Variants in SINHCAF observed in about 807,000 individuals in gnomAD.
The protein encoded by SINHCAF is SIN3-HDAC complex-associated factor.
In SINHCAF, 3 loss-of-function variants were observed where a neutral mutation model predicts 25.8. The ratio of observed to expected loss-of-function variants is 0.12; its 90% CI spans 0.05 to 0.30. SINHCAF has a LOEUF of 0.30. Ranked by LOEUF, SINHCAF falls within the 10% of genes least tolerant of loss-of-function variation. The pLI, the probability that SINHCAF is intolerant of heterozygous loss-of-function variation, is 1.00. For synonymous variants in SINHCAF, 70 were observed against 85.5 expected, an observed-to-expected ratio of 0.82 and a Z score of 1.00; for missense variants, 121 against 262.3, an observed-to-expected ratio of 0.46 and a Z score of 3.72.
chr12:31,303,200 G>C (rs1565497239), intron 1 of SINHCAF: 4 of 985,274 alleles, frequency 4.1e-6, no homozygotes, highest in East Asian at 1.1e-4. Flanking sequence ...ATTTAGAAGA[G>C]GCTGTGTCAA....
intron 1 of SINHCAF, among the ~76,000 whole-genome samples, chr12:31,316,095 G>A (rs148850202): frequency 1.3e-3 from 203 of 152,130 alleles, no homozygotes; most frequent in African/African-American, 4.5e-3. Flanking sequence ...GCTTGAACCC[G>A]GGAGGCAGAG....
chr12:31,324,807 A>C lies in SINHCAF; in HGVS notation c.-21+1217T>G, dbSNP rs1224973219. ...CTGGCCCCCCGACCCTCCCCTCGGG[A>C]GCAGGCCCATTTAATCAAAGTTTTG... On this transcript the variant is annotated intron_variant, in intron 1 of 5. Coordinates refer to ENST00000337682, the MANE Select transcript of SINHCAF (RefSeq NM_001135812.2). This position sits in a 1 kb window ranked among gnomAD's most constrained non-coding sequence, Gnocchi z 5.5. 2.7e-6 allele frequency: 1 copy of C among 368,812 alleles called. No homozygotes were observed. Among genetic ancestry groups the C allele is most frequent in the Non-Finnish European group, 5.5e-6 (1 of 183,196 alleles). The allele number at this position is 368,812 out of a possible 1,614,324, so 22.8% of individuals were successfully genotyped here.
At chr12:31,323,631 C>T (rs956019478) in intron 1 of SINHCAF, among the ~76,000 whole-genome samples, 1 of 152,098 alleles carries the variant, frequency 6.6e-6, no homozygotes, top group Non-Finnish European at 1.5e-5. Flanking sequence ...CAAACTGCAC[C>T]GCCCTACCAC....
At chr12:31,316,765 AG>A (rs1368279387) in intron 1 of SINHCAF, among the ~76,000 whole-genome samples, 8 of 152,374 alleles carry the variant, frequency 5.3e-5, no homozygotes, top group Admixed American at 3.3e-4. Context: ...AGCTCCAACC[AG>A]GAAACAGAAT....
At chr12:31,297,543 G>A (rs1002832336) in intron 2 of SINHCAF, among the ~76,000 whole-genome samples, 2 of 147,534 alleles carry the variant, frequency 1.4e-5, no homozygotes, top group South Asian at 4.3e-4. Context: ...CGTGATCTCG[G>A]CTCACTACAA....
intron 1 of SINHCAF, among the ~76,000 whole-genome samples, chr12:31,322,012 A>G (rs1035842324): frequency 6.6e-6 from 1 of 152,054 alleles, no homozygotes; most frequent in Non-Finnish European, 1.5e-5. Flanking sequence ...AAAATTGACC[A>G]TTCAGGTTCC....
chr12:31,284,531 T>G (rs1194633810), intron 5 of SINHCAF, among the ~76,000 whole-genome samples: 1 of 152,184 alleles, frequency 6.6e-6, no homozygotes, highest in Non-Finnish European at 1.5e-5. Flanking sequence ...TTTTAAATGC[T>G]TAAGTACTCT....
chr12:31,294,591 T>C (rs1592963974), intron 3 of SINHCAF, among the ~76,000 whole-genome samples: 1 of 152,306 alleles, frequency 6.6e-6, no homozygotes, highest in East Asian at 1.9e-4. Context: ...AGGTATTCAT[T>C]CACATTTATT....
intron 1 of SINHCAF, among the ~76,000 whole-genome samples, chr12:31,321,026 G>T (rs754170841): frequency 8.5e-5 from 13 of 152,152 alleles, no homozygotes; most frequent in Non-Finnish European, 1.0e-4. Flanking sequence ...TGTAACAGCG[G>T]TGTACCTGTG....
Position 31,324,774 on chromosome 12 carries a change from TC to T in SINHCAF, c.-21+1249del. ...GGTCCGGACCCCGCGCCCCGAAGAG[TC>T]CGGAGCCTGGCCCCCCGACCCTCCC... On this transcript the variant is annotated intron_variant, in intron 1 of 5. Transcript: ENST00000337682. The surrounding 1 kb of genome is among the most constrained non-coding windows in gnomAD (Gnocchi z 5.5). 2.8e-6 allele frequency: 1 copy of T among 357,430 alleles called. No individual in the cohort carries two copies. Among genetic ancestry groups the T allele is most frequent in the Non-Finnish European group, 5.6e-6 (1 of 179,084 alleles). The allele number at this position is 357,430 out of a possible 1,614,324, so 22.1% of individuals were successfully genotyped here. A position where few individuals can be genotyped will look rare whatever the true frequency, so the allele number is the denominator to read the frequency against.
intron 1 of SINHCAF, among the ~76,000 whole-genome samples, chr12:31,313,616 G>C (rs1258712): frequency 6.6e-6 from 1 of 152,220 alleles, no homozygotes; most frequent in Non-Finnish European, 1.5e-5. Flanking sequence ...GTAATATCTG[G>C]GTGTATATGT....
chr12:31,316,991 G>A (rs1327525024), intron 1 of SINHCAF, among the ~76,000 whole-genome samples: 1 of 152,096 alleles, frequency 6.6e-6, no homozygotes, highest in African/African-American at 2.4e-5. Context: ...TGCTTTGAAG[G>A]ACATCATTAT....
chr12:31,302,832 T>C (rs1938864091), intron 1 of SINHCAF: 2 of 604,434 alleles, frequency 3.3e-6, no homozygotes, highest in Non-Finnish European at 4.1e-6. Context: ...CTTTGTTCTA[T>C]ATCTGATACA....
chr12:31,288,578 A>G (rs2137074721), intron 4 of SINHCAF, among the ~76,000 whole-genome samples: 1 of 152,082 alleles, frequency 6.6e-6, no homozygotes, highest in East Asian at 1.9e-4. Flanking sequence ...CCTCCCCCCA[A>G]CCTCAGATGT....
At chr12:31,309,506 A>G (rs1939175978) in intron 1 of SINHCAF, among the ~76,000 whole-genome samples, 1 of 152,208 alleles carries the variant, frequency 6.6e-6, no homozygotes, top group Non-Finnish European at 1.5e-5. Flanking sequence ...ACAGCAGGTA[A>G]GAAATAGTTT....
intron 3 of SINHCAF, 26 bp from the exon 4 acceptor site, chr12:31,293,957 T>C: frequency 5.1e-6 from 8 of 1,559,104 alleles, no homozygotes; most frequent in Non-Finnish European, 6.9e-6. Context: ...GAATATTTAA[T>C]AATATTTTTA....
intron 1 of SINHCAF, among the ~76,000 whole-genome samples, chr12:31,305,791 C>G (rs889710384): frequency 2.6e-5 from 4 of 151,154 alleles, no homozygotes; most frequent in Non-Finnish European, 4.4e-5. Context: ...CCTCCGCCTG[C>G]CAGGTTTAAG....
At position 31,282,542 on chromosome 12, in the gene SINHCAF, A is replaced by G. The variant is rs1937845498; in HGVS notation, c.*170T>C. The G allele has an allele frequency of 4.0e-6, 2 of 502,358 alleles. No individual in the cohort carries two copies. The highest frequency in any genetic ancestry group is 6.9e-6 in the Non-Finnish European group (2 of 288,880). The allele number at this position is 502,358 out of a possible 1,614,324, so 31.1% of individuals were successfully genotyped here. ...GAGGCTGAGGCAGGAGAATCACTTG[A>G]ACCCGGGAGACGGAAGTTGCAGTGA... On this transcript the variant is annotated 3_prime_UTR_variant, in exon 6 of 6. Coordinates refer to ENST00000337682, the MANE Select transcript of SINHCAF (RefSeq NM_001135812.2).
intron 2 of SINHCAF, among the ~76,000 whole-genome samples, chr12:31,297,279 C>T (rs912877165): frequency 9.9e-5 from 15 of 151,878 alleles, no homozygotes; most frequent in African/African-American, 1.9e-4. Context: ...CTTCAGCCTC[C>T]GACGTAGCTA....
Sources: allele counts gnomAD v4.1 joint callset (sites outside exome capture counted in the v4.1 genomes callset), GRCh38; gene constraint gnomAD v4.1.1; non-coding constraint Gnocchi (gnomAD v3.1); transcripts MANE v1.5; gene names NCBI Gene and HGNC (gene_info 2026-07-23, HGNC 2026-07-21).